The following TRAPPC9 variants were observed in gnomAD, a reference collection of about 807,000 sequenced individuals.
The protein encoded by TRAPPC9 is trafficking protein particle complex subunit 9.
A neutral mutation model predicts 124.0 loss-of-function variants in TRAPPC9; 83 were observed. The observed-to-expected ratio is 0.67, with a 90% CI of 0.56 to 0.80. The LOEUF (loss-of-function observed/expected upper bound fraction) is 0.80. Ranked by LOEUF, TRAPPC9 falls within the 30% of genes least tolerant of loss-of-function variation. TRAPPC9 has a pLI of 0.00. For missense variants in TRAPPC9, 1,302 were observed against 1,508.3 expected (o/e 0.86, Z 2.27); for synonymous variants, 638 against 617.5 (o/e 1.03, Z -0.49).
chr8:139,957,346 G>A (rs1835061126), intron 19 of TRAPPC9, among the ~76,000 whole-genome samples: 1 of 152,228 alleles, frequency 6.6e-6, no homozygotes, highest in Non-Finnish European at 1.5e-5. Context: ...TATCGGAGGG[G>A]AACAGCAGGC....
chr8:140,287,699 G>A lies in TRAPPC9; in HGVS notation c.1890C>T (p.Leu630=), dbSNP rs745560975. The change falls in exon 13 of 23, where the codon CTC becomes CTT. Residue 630 remains leucine, a synonymous_variant. Coordinates refer to ENST00000438773, the MANE Select transcript of TRAPPC9 (RefSeq NM_001160372.4). The stretch of plus-strand genomic sequence containing the variant: ...CAGCCGGAAGAGAAAGCGCCGCAGG[G>A]AGAGACTCGAACTCCACTCCGCTGG... ...LLTSGVEFES[L]PAALSLPAES... 1.2e-6 allele frequency: 2 copies of A among 1,614,036 alleles called. No individual in the cohort carries two copies. Among genetic ancestry groups the A allele is most frequent in the Admixed American group, 1.7e-5 (1 of 60,000 alleles).
chr8:139,759,937 C>T (rs1420117460), intron 21 of TRAPPC9, among the ~76,000 whole-genome samples: 1 of 152,206 alleles, frequency 6.6e-6, no homozygotes, highest in African/African-American at 2.4e-5. Flanking sequence ...TCCATGAAGC[C>T]GTCCCTGGGG....
chr8:139,964,224 CAAAAAA>C (rs1008397834), intron 19 of TRAPPC9, among the ~76,000 whole-genome samples: 1 of 67,670 alleles, frequency 1.5e-5, no homozygotes, highest in Non-Finnish European at 2.9e-5. Context: ...GACTCTGTCT[CAAAAAA>C]AAAAAAAAAA....
At chr8:140,313,982 G>T (rs999205400) in intron 9 of TRAPPC9, among the ~76,000 whole-genome samples, 3 of 152,114 alleles carry the variant, frequency 2.0e-5, no homozygotes, top group Non-Finnish European at 4.4e-5. Context: ...TCTCCTAAAG[G>T]ATTCAAGTGT....
intron 16 of TRAPPC9, among the ~76,000 whole-genome samples, chr8:140,237,230 G>A (rs1014420173): frequency 3.3e-5 from 5 of 151,354 alleles, no homozygotes; most frequent in African/African-American, 1.2e-4. Context: ...AAGATCATCA[G>A]ACAAAGAACA....
At chr8:139,913,088 C>G (rs1396971556) in intron 19 of TRAPPC9, among the ~76,000 whole-genome samples, 2 of 152,230 alleles carry the variant, frequency 1.3e-5, no homozygotes, top group Admixed American at 1.3e-4. Context: ...AGAGCACACG[C>G]TGGATGCTGC....
At chr8:139,947,289 A>C (rs1834291044) in intron 19 of TRAPPC9, among the ~76,000 whole-genome samples, 1 of 152,208 alleles carries the variant, frequency 6.6e-6, no homozygotes, top group South Asian at 2.1e-4. Context: ...ACCACCAGGT[A>C]CTAATCTCCA....
chr8:140,164,963 C>G (rs2061809428), intron 17 of TRAPPC9, among the ~76,000 whole-genome samples: 1 of 152,204 alleles, frequency 6.6e-6, no homozygotes, highest in South Asian at 2.1e-4. Context: ...GATGGGGCCA[C>G]AATACCTGGC....
intron 21 of TRAPPC9, among the ~76,000 whole-genome samples, chr8:139,781,235 T>C (rs1292421538): frequency 6.6e-6 from 1 of 152,242 alleles, no homozygotes; most frequent in Non-Finnish European, 1.5e-5. Flanking sequence ...GTTTTATTCA[T>C]AATTGCCAAA....
At chr8:140,302,077 C>T (rs943563894) in intron 10 of TRAPPC9, among the ~76,000 whole-genome samples, 2 of 152,236 alleles carry the variant, frequency 1.3e-5, no homozygotes, top group Admixed American at 1.3e-4. Flanking sequence ...TCCACAAAAT[C>T]ACCACCTCTC....
intron 21 of TRAPPC9, among the ~76,000 whole-genome samples, chr8:139,824,120 C>T (rs1047172498): frequency 1.3e-5 from 2 of 152,184 alleles, no homozygotes; most frequent in African/African-American, 4.8e-5. Flanking sequence ...CCCCATTTTA[C>T]AAGGGAGAAA....
intron 17 of TRAPPC9, among the ~76,000 whole-genome samples, chr8:140,059,889 T>G (rs537778596): frequency 1.3e-5 from 2 of 152,340 alleles, no homozygotes; most frequent in South Asian, 2.1e-4. Context: ...ATTTATGATT[T>G]CCTTTAAATT....
At chr8:139,973,522 C>A (rs185692393) in intron 19 of TRAPPC9, among the ~76,000 whole-genome samples, 1 of 152,290 alleles carries the variant, frequency 6.6e-6, no homozygotes, top group East Asian at 1.9e-4. Flanking sequence ...GGACAGGGGG[C>A]AAACTGAAAA....
intron 21 of TRAPPC9, among the ~76,000 whole-genome samples, chr8:139,855,657 G>A (rs1414864596): frequency 6.6e-6 from 1 of 152,178 alleles, no homozygotes; most frequent in Non-Finnish European, 1.5e-5. Context: ...CCAGGCCCTG[G>A]CGCCTCTCTC....
chr8:140,378,311 G>A (rs552147282), intron 7 of TRAPPC9, among the ~76,000 whole-genome samples: 75 of 152,106 alleles, frequency 4.9e-4, no homozygotes, highest in Non-Finnish European at 8.5e-4. Flanking sequence ...CATTTGACTC[G>A]GTGGGCTGGG....
At chr8:140,172,779 C>G (rs145113608) in intron 17 of TRAPPC9, among the ~76,000 whole-genome samples, 1 of 152,314 alleles carries the variant, frequency 6.6e-6, no homozygotes, top group African/African-American at 2.4e-5. Context: ...AACCAACCTA[C>G]AAGAAAAGTA....
At chr8:140,031,843 C>T (rs936735023) in intron 17 of TRAPPC9, among the ~76,000 whole-genome samples, 14 of 152,274 alleles carry the variant, frequency 9.2e-5, no homozygotes, top group South Asian at 2.1e-4. Context: ...CCAGGAGTCC[C>T]GTGGTGGCTG....
In TRAPPC9 at chr8:140,023,994, T is replaced by G. The variant is rs1357033981; in HGVS notation, c.2642A>C (p.His881Pro). 6.2e-7 allele frequency: 1 copy of G among 1,614,110 alleles called. No individual in the cohort carries two copies. The highest frequency in any genetic ancestry group is 1.3e-5 in the African/African-American group (1 of 75,012). Residue 881 changes from histidine to proline, a missense_variant, in exon 18 of 23, where the codon CAT becomes CCT. By Grantham distance (77) the His-to-Pro change is moderately conservative. Coordinates refer to ENST00000438773, the MANE Select transcript of TRAPPC9 (RefSeq NM_001160372.4). ...GYYRNLSLGL[H>P]VEVEPSVFFT... Reference sequence around the variant, plus strand: ...AAATACAGACGGCTCGACTTCTACATGCAGCCCCAGGGAGAGATTCCTGTA... The same window carrying G: ...AAATACAGACGGCTCGACTTCTACAGGCAGCCCCAGGGAGAGATTCCTGTA...
intron 9 of TRAPPC9, among the ~76,000 whole-genome samples, chr8:140,321,323 A>G (rs1229764946): frequency 6.6e-6 from 1 of 152,130 alleles, no homozygotes; most frequent in Non-Finnish European, 1.5e-5. Context: ...GCTCAGCATG[A>G]GCTCCCCCTC....
Sources: allele counts gnomAD v4.1 joint callset (sites outside exome capture counted in the v4.1 genomes callset), GRCh38; gene constraint gnomAD v4.1.1; transcripts MANE v1.5; gene names NCBI Gene and HGNC (gene_info 2026-07-23, HGNC 2026-07-21).